Variants in DLC1 observed in about 807,000 individuals in gnomAD.
DLC1 encodes DLC1 Rho GTPase activating protein, also known as rho GTPase-activating protein 7.
A neutral mutation model predicts 140.3 loss-of-function variants in DLC1; 54 were observed. That is an observed-to-expected ratio of 0.38 (90% confidence interval 0.31 to 0.48). The LOEUF (loss-of-function observed/expected upper bound fraction) is 0.48. Among genes scored for constraint, DLC1 ranks in the 20% least tolerant of loss-of-function variants. DLC1 has a pLI of 0.96. For synonymous variants in DLC1, 986 were observed against 728.1 expected, an observed-to-expected ratio of 1.35 and a Z score of -5.70; for missense variants, 2,536 against 1,907.0, an observed-to-expected ratio of 1.33 and a Z score of -6.14.
intron 1 of DLC1, among the ~76,000 whole-genome samples, chr8:13,531,971 T>C (rs1439079880): frequency 1.3e-5 from 2 of 152,208 alleles, no homozygotes; most frequent in Non-Finnish European, 2.9e-5. Flanking sequence ...GGGGCAAGAC[T>C]CTCCGCTCCC....
chr8:13,483,148 T>C (rs1414115543), intron 2 of DLC1, among the ~76,000 whole-genome samples: 5 of 152,154 alleles, frequency 3.3e-5, no homozygotes, highest in African/African-American at 1.2e-4. Flanking sequence ...AATCTCTGCT[T>C]CTGTTTTCAC....
chr8:13,233,864 A>G (rs1304532657), intron 5 of DLC1, among the ~76,000 whole-genome samples: 1 of 152,152 alleles, frequency 6.6e-6, no homozygotes, highest in Non-Finnish European at 1.5e-5. Context: ...TGAACTGGGG[A>G]TCTGGTTGCA....
chr8:13,557,318 C>T (rs893096808), intron 1 of DLC1, among the ~76,000 whole-genome samples: 1 of 152,096 alleles, frequency 6.6e-6, no homozygotes, highest in African/African-American at 2.4e-5. Context: ...CACGTGAGGG[C>T]CAGTGTCTCA....
intron 1 of DLC1, among the ~76,000 whole-genome samples, chr8:13,502,799 A>T (rs146614544): frequency 4.4e-4 from 67 of 152,344 alleles, no homozygotes; most frequent in African/African-American, 1.6e-3. Context: ...AGTTTCATTC[A>T]GAATGAGCTC....
chr8:13,433,795 C>T (rs567716673), intron 2 of DLC1, among the ~76,000 whole-genome samples: 1 of 152,158 alleles, frequency 6.6e-6, no homozygotes, highest in East Asian at 1.9e-4. Flanking sequence ...TGTGTTCATT[C>T]CAGAGGAAAA....
Position 13,085,941 on chromosome 8 carries a change from A to T in DLC1, c.4467-10T>A. On this transcript the variant is annotated splice_polypyrimidine_tract_variant and intron_variant, in intron 17 of 17. Coordinates refer to ENST00000276297, the MANE Select transcript of DLC1 (RefSeq NM_182643.3). ...TTCTGGCATGTGGCCCCTATCAGAGAAAAGAAAGAAAAGCTGATGAATTAT... is the reference window on the plus strand; with the variant it reads ...TTCTGGCATGTGGCCCCTATCAGAGTAAAGAAAGAAAAGCTGATGAATTAT... 6.2e-7 allele frequency: 1 copy of T among 1,610,866 alleles called. No homozygotes were observed. Among genetic ancestry groups the T allele is most frequent in the Non-Finnish European group, 8.5e-7 (1 of 1,179,130 alleles).
chr8:13,429,180 C>G (rs1294559008), intron 2 of DLC1, among the ~76,000 whole-genome samples: 2 of 152,272 alleles, frequency 1.3e-5, no homozygotes, highest in South Asian at 2.1e-4. Flanking sequence ...CACTGTGGTT[C>G]TTTTTAGCAA....
intron 5 of DLC1, chr8:13,132,890 C>T: frequency 6.4e-7 from 1 of 1,555,400 alleles, no homozygotes; most frequent in Non-Finnish European, 8.7e-7. Flanking sequence ...GGCGGGTCCC[C>T]TCCGCAGCCC....
chr8:13,591,416 A>G (rs568283721), intron 1 of DLC1, among the ~76,000 whole-genome samples: 3 of 152,152 alleles, frequency 2.0e-5, no homozygotes, highest in East Asian at 3.9e-4. Context: ...AGCATCTGGC[A>G]TTTCCCCTGC....
chr8:13,497,534 T>C (rs1424286854), intron 2 of DLC1, among the ~76,000 whole-genome samples: 2 of 152,174 alleles, frequency 1.3e-5, no homozygotes, highest in African/African-American at 4.8e-5. Flanking sequence ...AAGGCAACCA[T>C]GCTATAGTGA....
intron 5 of DLC1, among the ~76,000 whole-genome samples, chr8:13,230,431 C>T (rs779264818): frequency 2.6e-5 from 4 of 152,024 alleles, no homozygotes; most frequent in Admixed American, 6.6e-5. Flanking sequence ...AAAAAGCAAA[C>T]GATAAAGCAA....
rs1563383663 is a variant in DLC1 at position 13,479,867 on chromosome 8, G to GAAGAGAA, written c.1023+19181_1023+19182insTTCTCTT. ...AAGAAGAAGAAGAAGAAGAGAAAAA[G>GAAGAGAA]AAAGAAAGAAAGAAAGAAAGAAAAA... On this transcript the variant is annotated intron_variant, in intron 2 of 17. Coordinates refer to ENST00000276297, the MANE Select transcript of DLC1 (RefSeq NM_182643.3). 1.8e-3 allele frequency among the ~76,000 whole-genome samples: 25 copies of GAAGAGAA among 14,022 alleles called. 1 individual carries two copies. The highest frequency in any genetic ancestry group is 3.8e-3 in the African/African-American group (18 of 4,722). The allele number at this position is 14,022 out of a possible 152,430, so 9.2% of individuals were successfully genotyped here. A position where few individuals can be genotyped will look rare whatever the true frequency, so the allele number is the denominator to read the frequency against.
intron 4 of DLC1, among the ~76,000 whole-genome samples, chr8:13,335,458 G>A (rs918632708): frequency 6.6e-6 from 1 of 152,192 alleles, no homozygotes; most frequent in Non-Finnish European, 1.5e-5. Flanking sequence ...CACACAAAAA[G>A]TCTTTTCTAG....
intron 5 of DLC1, among the ~76,000 whole-genome samples, chr8:13,137,463 T>G (rs1326468498): frequency 3.6e-4 from 2 of 5,560 alleles, no homozygotes. Context: ...AACCTATCAT[T>G]TTGTTATATG....
chr8:13,491,435 A>T (rs1801235101), intron 2 of DLC1, among the ~76,000 whole-genome samples: 1 of 152,112 alleles, frequency 6.6e-6, no homozygotes, highest in African/African-American at 2.4e-5. Context: ...TTACTTATAA[A>T]CAATAACACA....
chr8:13,525,592 T>C (rs911648350), intron 1 of DLC1, among the ~76,000 whole-genome samples: 1 of 152,208 alleles, frequency 6.6e-6, no homozygotes, highest in Non-Finnish European at 1.5e-5. Flanking sequence ...ATTAGTAATG[T>C]TGAGAATCTT....
At position 13,379,624 on chromosome 8, in the gene DLC1, G is replaced by A. The variant is rs543105029; in HGVS notation, c.1314+13929C>T. Among the ~76,000 whole-genome samples the A allele has an allele frequency of 3.2e-4, 49 of 152,228 alleles. 1 individual carries two copies. Among genetic ancestry groups the A allele is most frequent in the African/African-American group, 1.2e-3 (49 of 41,542 alleles). ...AAATTGGGGACCCTCTTTACTTATTGCTGAAATCCATCCTTATTTTATTTT... is the reference window on the plus strand; with the variant it reads ...AAATTGGGGACCCTCTTTACTTATTACTGAAATCCATCCTTATTTTATTTT... On this transcript the variant is annotated intron_variant, in intron 4 of 17. Transcript: ENST00000276297.
chr8:13,204,795 T>C (rs1017396873), intron 5 of DLC1, among the ~76,000 whole-genome samples: 1 of 152,222 alleles, frequency 6.6e-6, no homozygotes, highest in African/African-American at 2.4e-5. Context: ...ACCATTCCAT[T>C]CATTTATTAA....
chr8:13,374,499 C>A (rs1231929123), intron 4 of DLC1, among the ~76,000 whole-genome samples: 2 of 151,972 alleles, frequency 1.3e-5, no homozygotes, highest in African/African-American at 4.8e-5. Context: ...AGAATGTCAC[C>A]CCAGGCCGGG....
Sources: allele counts gnomAD v4.1 joint callset (sites outside exome capture counted in the v4.1 genomes callset), GRCh38; gene constraint gnomAD v4.1.1; transcripts MANE v1.5; gene names NCBI Gene and HGNC (gene_info 2026-07-23, HGNC 2026-07-21).